The following ZFP90 variants were observed in gnomAD, a reference collection of about 807,000 sequenced individuals.
ZFP90 encodes ZFP90 zinc finger protein, also known as zinc finger protein 90 homolog.
ZFP90 carries 38 observed loss-of-function variants against 60.8 expected under a neutral mutation model. That is an observed-to-expected ratio of 0.62 (90% CI 0.48 to 0.82). ZFP90 has a LOEUF of 0.82. Ranked by LOEUF, ZFP90 falls within the 40% of genes least tolerant of loss-of-function variation. The pLI is 0.00. For synonymous variants in ZFP90, 287 were observed against 264.8 expected (o/e 1.08, Z -0.82); for missense variants, 711 against 759.1 (o/e 0.94, Z 0.74).
intron 2 of ZFP90, among the ~76,000 whole-genome samples, chr16:68,546,884 C>T (rs1198784948): frequency 1.3e-5 from 2 of 152,166 alleles, no homozygotes; most frequent in African/African-American, 4.8e-5. Context: ...TCATCTAAGT[C>T]GTAGCATATA....
At chr16:68,547,830 A>T (rs1442379346) in intron 2 of ZFP90, among the ~76,000 whole-genome samples, 2 of 145,016 alleles carry the variant, frequency 1.4e-5, no homozygotes, top group Admixed American at 6.8e-5. Context: ...AATACAGTTG[A>T]TCTCTCTTTT....
intron 4 of ZFP90, chr16:68,562,184 A>G (rs540241861): frequency 6.6e-6 from 1 of 152,344 alleles, no homozygotes; most frequent in East Asian, 1.9e-4. Flanking sequence ...ATGCAGTGAA[A>G]TGTACAAGTC....
In ZFP90 at chr16:68,566,908, G is replaced by A. The variant is rs895612337; in HGVS notation, c.*2210G>A. The A allele has an allele frequency of 9.1e-6, 9 of 985,586 alleles. No homozygotes were observed. The Middle Eastern group carries it at 1.6e-3, about 172-fold the overall frequency. The allele number at this position is 985,586 out of a possible 1,614,324, so 61.1% of individuals were successfully genotyped here. A position where few individuals can be genotyped will look rare whatever the true frequency, so the allele number is the denominator to read the frequency against. ...AAGACCCAAAGGAGAGTACTGGTTT[G>A]TGTTTGGTGCTTGGCCTAGATCCAG... On this transcript the variant is annotated 3_prime_UTR_variant, in exon 5 of 5. Transcript: ENST00000563169.
At position 68,558,018 on chromosome 16, in the gene ZFP90, T is replaced by C. The variant is rs944369881; in HGVS notation, c.54T>C (p.Asp18=). 2.5e-6 allele frequency: 4 copies of C among 1,613,690 alleles called. No individual in the cohort carries two copies. The highest frequency in any genetic ancestry group is 3.3e-5 in the Admixed American group (2 of 59,960). ...AAPQESVTFK[D]VSVDFTQEEW... is the part of the protein sequence containing the mutation. ...TACAGGAATCAGTGACATTCAAAGA[T>C]GTGTCTGTGGACTTCACCCAGGAAG... is the stretch of plus-strand genomic sequence containing the variant. The change falls in exon 3 of 5, where the codon GAT becomes GAC. Residue 18 remains aspartate (D), a synonymous_variant. Coordinates refer to ENST00000563169, the MANE Select transcript of ZFP90 (RefSeq NM_001305203.2).
upstream of ZFP90, among the ~76,000 whole-genome samples, chr16:68,535,039 T>A (rs972223361): frequency 1.3e-5 from 2 of 152,226 alleles, no homozygotes; most frequent in African/African-American, 4.8e-5. Context: ...GGTTCCATGT[T>A]TTATGCATGT....
At chr16:68,568,296 A>G (rs558762654), downstream of ZFP90, among the ~76,000 whole-genome samples, 2 of 152,344 alleles carry the variant, frequency 1.3e-5, no homozygotes, top group African/African-American at 4.8e-5. Flanking sequence ...TTGCTAGACA[A>G]AGAAGACTGG....
At chr16:68,533,593 T>A (rs927791904) in intron 1 of ZFP90, 3 of 152,234 alleles carry the variant, frequency 2.0e-5, no homozygotes, top group Non-Finnish European at 4.4e-5. Flanking sequence ...TTTTTGTTTT[T>A]CCAAAAATCC....
chr16:68,537,190 A>G (rs879402937), upstream of ZFP90, among the ~76,000 whole-genome samples: 10 of 151,666 alleles, frequency 6.6e-5, no homozygotes, highest in South Asian at 4.2e-4. Context: ...CAGTGGTGCA[A>G]TCTTGGCTCA....
intron 2 of ZFP90, among the ~76,000 whole-genome samples, chr16:68,550,320 C>T (rs1380280457): frequency 1.3e-5 from 2 of 152,060 alleles, no homozygotes; most frequent in Non-Finnish European, 2.9e-5. Flanking sequence ...AGTGTAGTGG[C>T]GCAATCTTGG....
rs968791637 is a variant in ZFP90 at position 68,539,353 on chromosome 16, G to C, written c.-162G>C. ...ACCCCGGTGCGGCTGAGGCCCCTTTGGGCAGCCCCTCCGCAGATCAGAATT... is the reference window on the plus strand; with the variant it reads ...ACCCCGGTGCGGCTGAGGCCCCTTTCGGCAGCCCCTCCGCAGATCAGAATT... On this transcript the variant is annotated 5_prime_UTR_variant, in exon 1 of 5. Coordinates refer to ENST00000563169, the MANE Select transcript of ZFP90 (RefSeq NM_001305203.2). 6 of 196,890 alleles carry C rather than the reference G, an allele frequency of 3.0e-5. No homozygotes were observed. The allele number at this position is 196,890 out of a possible 1,614,324, so 12.2% of individuals were successfully genotyped here.
chr16:68,545,287 C>T (rs1046020019), intron 2 of ZFP90, among the ~76,000 whole-genome samples: 15 of 152,084 alleles, frequency 9.9e-5, no homozygotes, highest in Non-Finnish European at 1.6e-4. Context: ...TGACCCCTCC[C>T]TTCAACCCCT....
At chr16:68,542,672 G>T (rs945668629) in intron 2 of ZFP90, among the ~76,000 whole-genome samples, 14 of 152,270 alleles carry the variant, frequency 9.2e-5, no homozygotes, top group African/African-American at 3.1e-4. Flanking sequence ...GCAAGAAGAT[G>T]GCGGTGCATG....
intron 2 of ZFP90, among the ~76,000 whole-genome samples, chr16:68,543,498 T>C (rs2091089302): frequency 6.6e-6 from 1 of 152,092 alleles, no homozygotes; most frequent in Non-Finnish European, 1.5e-5. Flanking sequence ...TAGATATAGC[T>C]GTGTATTTAT....
upstream of ZFP90, among the ~76,000 whole-genome samples, chr16:68,534,548 T>G (rs180748750): frequency 1.8e-4 from 27 of 151,440 alleles, no homozygotes; most frequent in East Asian, 5.3e-3. Context: ...TTCTATTTGG[T>G]TCTTAAGATT....
intron 2 of ZFP90, among the ~76,000 whole-genome samples, chr16:68,572,921 G>A (rs2091575488): frequency 6.6e-6 from 1 of 152,238 alleles, no homozygotes; most frequent in African/African-American, 2.4e-5. Context: ...GCAGAGTGGA[G>A]ATCTCTAAGG....
intron 2 of ZFP90, among the ~76,000 whole-genome samples, chr16:68,551,649 G>C (rs2091263229): frequency 6.6e-6 from 1 of 152,058 alleles, no homozygotes; most frequent in South Asian, 2.1e-4. Flanking sequence ...GATCTCAGGT[G>C]ATCCACCCGC....
chr16:68,548,653 G>A (rs1413039105), intron 2 of ZFP90, among the ~76,000 whole-genome samples: 1 of 151,730 alleles, frequency 6.6e-6, no homozygotes, highest in African/African-American at 2.4e-5. Flanking sequence ...TCCACACCCG[G>A]CTAATTTTGT....
chr16:68,540,910 CCT>C (rs1567393211), intron 2 of ZFP90, among the ~76,000 whole-genome samples: 9 of 101,636 alleles, frequency 8.9e-5, no homozygotes, highest in Non-Finnish European at 1.2e-4. Context: ...ATACATCATG[CCT>C]TTTTTTTTTT....
In ZFP90 at chr16:68,566,279, G is replaced by A; in HGVS notation, c.*1581G>A. ...TTGGTGTGTTGACATTGACCATGCA[G>A]ACCAATTTGGGCACAACTGGACATT... On this transcript the variant is annotated 3_prime_UTR_variant, in exon 5 of 5. Transcript: ENST00000563169. The A allele has an allele frequency of 1.0e-6, 1 of 985,598 alleles. No individual in the cohort carries two copies. Among genetic ancestry groups the A allele is most frequent in the Non-Finnish European group, 1.2e-6 (1 of 829,934 alleles). 61.1% of individuals were successfully genotyped at this position (985,598 alleles called of 1,614,324 possible). A position where few individuals can be genotyped will look rare whatever the true frequency, so the allele number is the denominator to read the frequency against.
Sources: gnomAD v4.1 joint callset for allele counts (sites outside exome capture counted in the v4.1 genomes callset) on GRCh38, gnomAD v4.1.1 for gene constraint, MANE v1.5 for transcripts, NCBI Gene and HGNC (gene_info 2026-07-23, HGNC 2026-07-21) for gene names.